Variants in EMILIN1 observed in about 807,000 individuals in gnomAD.
EMILIN1 encodes elastin microfibril interfacer 1, also known as EMILIN-1.
Under a neutral mutation model 82.4 loss-of-function variants are expected in EMILIN1, and 49 were observed. The observed-to-expected ratio is 0.59, with a 90% CI of 0.47 to 0.75. The LOEUF (loss-of-function observed/expected upper bound fraction) is 0.75. Among genes scored for constraint, EMILIN1 ranks in the 30% least tolerant of loss-of-function variants. The probability of loss-of-function intolerance (pLI) is 0.00; values close to 1 mark genes in which losing one functional copy is unlikely to be tolerated. For missense variants in EMILIN1, 1,313 were observed against 1,366.4 expected (o/e 0.96, Z 0.62); for synonymous variants, 604 against 602.2 (o/e 1.00, Z -0.04).
rs1228071392 is a variant in EMILIN1, at chr2:27,083,673, C to G, written c.2102C>G (p.Thr701Arg). The G allele has an allele frequency of 6.2e-7, 1 of 1,613,718 alleles. No homozygotes were observed. Among genetic ancestry groups the G allele is most frequent in the Non-Finnish European group, 8.5e-7 (1 of 1,179,780 alleles). ...CAGCAGGAGGCCACAGAGCATGCTA[C>G]AGAGAGTGAAGAGCGCTTCCGAGGC... is the stretch of plus-strand genomic sequence containing the variant. Reference protein sequence around the residue: ...RLQQEATEHATESEERFRGLE... With the variant: ...RLQQEATEHARESEERFRGLE... The change falls in exon 4 of 8, where the codon ACA becomes AGA. Residue 701 changes from threonine (T) to arginine (R), a missense_variant. Transcript: ENST00000380320.
intron 7 of EMILIN1, 116 bp downstream of exon 7, chr2:27,085,413 A>T: frequency 7.7e-7 from 1 of 1,300,482 alleles, no homozygotes; most frequent in Admixed American, 2.0e-5. Flanking sequence ...ATTTGGGGAG[A>T]CCCCGGCTCT....
Position 27,083,184 on chromosome 2 carries a change from T to C in EMILIN1, c.1613T>C (p.Val538Ala), listed in dbSNP as rs1323184354. ...RQATLEGLQE[V>A]VGRLQDRVDA... ...GCCACGCTGGAGGGATTACAAGAGGTTGTGGGCCGGCTCCAGGATCGTGTG... is the reference window on the plus strand; with the variant it reads ...GCCACGCTGGAGGGATTACAAGAGGCTGTGGGCCGGCTCCAGGATCGTGTG... The change falls in exon 4 of 8, where the codon GTT becomes GCT. Residue 538 changes from valine to alanine, a missense_variant. Transcript: ENST00000380320. The C allele has an allele frequency of 1.2e-6, 2 of 1,610,316 alleles. No homozygotes were observed. The highest frequency in any genetic ancestry group is 1.1e-5 in the South Asian group (1 of 90,806).
Position 27,083,084 on chromosome 2 carries a change from CT to C in EMILIN1, c.1514del (p.Leu505ArgfsTer56). The stretch of plus-strand genomic sequence containing the variant: ...CCTCAGTGCCTTGGAGCGCAGGGTG[CT>C]GGACAGTGAGGGGCAGCTGCGGCTG... ...EILSALERRVLDSEGQLRLVG... is the reference protein window; with the variant it reads ...EILSALERRVXDSEGQLRLVG... On this transcript the variant is annotated frameshift_variant, in exon 4 of 8. Transcript: ENST00000380320. LOFTEE classifies it high-confidence loss of function. 1.9e-6 allele frequency: 3 copies of C among 1,560,236 alleles called. No homozygotes were observed. The highest frequency in any genetic ancestry group is 2.6e-6 in the Non-Finnish European group (3 of 1,152,364).
In EMILIN1 at chr2:27,083,503, A is replaced by G. The variant is rs750735646; in HGVS notation, c.1932A>G (p.Gln644=). The change falls in exon 4 of 8, where the codon CAA becomes CAG. Residue 644 remains glutamine, a synonymous_variant. Coordinates refer to ENST00000380320, the MANE Select transcript of EMILIN1 (RefSeq NM_007046.4). Reference sequence around the variant, plus strand: ...CAGGCTCAGCCCTGCAGGCCCTGCAAGGAGAGCTCTCTGAGGTTATTCTCA... The same window carrying G: ...CAGGCTCAGCCCTGCAGGCCCTGCAGGGAGAGCTCTCTGAGGTTATTCTCA... The part of the protein sequence containing the change: ...GSSGSALQAL[Q]GELSEVILSF... The G allele has an allele frequency of 8.1e-6, 13 of 1,613,858 alleles. No individual in the cohort carries two copies. The highest frequency in any genetic ancestry group is 1.7e-4 in the Middle Eastern group (1 of 6,060).
chr2:27,080,896 G>C lies in EMILIN1; in HGVS notation c.455G>C (p.Arg152Pro). ...CCACGGCCCCTGGCCCGGCCTGCCCGCCCCAACCTCTCTGGCTCCAGTGCA... is the reference window on the plus strand; with the variant it reads ...CCACGGCCCCTGGCCCGGCCTGCCCCCCCCAACCTCTCTGGCTCCAGTGCA... ...STPRPLARPA[R>P]PNLSGSSAGS... Residue 152 changes from arginine to proline, a missense_variant, in exon 3 of 8, where the codon CGC becomes CCC. Arg to Pro is a moderately radical substitution (Grantham distance 103). Transcript: ENST00000380320. 6.2e-7 allele frequency: 1 copy of C among 1,606,864 alleles called. No individual in the cohort carries two copies.
chr2:27,086,094 G>T lies in EMILIN1; in HGVS notation c.*79G>T. On this transcript the variant is annotated 3_prime_UTR_variant, in exon 8 of 8. Transcript: ENST00000380320. ...GGGCTCCTGGGGTCTCGCCTGAGAC[G>T]GGGCACCTAGCCCTGGGCGAGCGCC... The T allele has an allele frequency of 8.9e-7, 1 of 1,129,500 alleles. No homozygotes were observed. Among genetic ancestry groups the T allele is most frequent in the Non-Finnish European group, 1.2e-6 (1 of 848,358 alleles). 70.0% of individuals were successfully genotyped at this position (1,129,500 alleles called of 1,614,324 possible). A position where few individuals can be genotyped will look rare whatever the true frequency, so the allele number is the denominator to read the frequency against.
In EMILIN1 at chr2:27,082,509, G is replaced by T. The variant is rs200036857; in HGVS notation, c.938G>T (p.Arg313Leu). The stretch of plus-strand genomic sequence containing the variant: ...TGCCTGGCCGGGCTAGATGGCTTCC[G>T]CCGGCAGCAGCAGGAGGACAGGGAG... ...SVCLAGLDGF[R>L]RQQQEDRERL... The change falls in exon 4 of 8, where the codon CGC becomes CTC. Residue 313 changes from arginine (R) to leucine (L), a missense_variant. By Grantham distance (102) the Arg-to-Leu change is moderately radical. Transcript: ENST00000380320. The T allele has an allele frequency of 6.5e-7, 1 of 1,545,802 alleles. No homozygotes were observed.
chr2:27,080,179 A>C lies in EMILIN1; in HGVS notation c.199A>C (p.Thr67Pro), dbSNP rs779114290. The change falls in exon 2 of 8, where the codon ACA becomes CCA. Residue 67 changes from threonine to proline, a missense_variant. By Grantham distance (38) the Thr-to-Pro change is conservative. Transcript: ENST00000380320. The part of the protein sequence containing the change: ...RNWCAYVVTR[T>P]VSCVLEDGVE... ...CTGGTGTGCCTACGTGGTGACCCGG[A>C]CAGTGAGCTGTGTCCTTGAGGATGG... 1 of 1,613,970 alleles carries C rather than the reference A, an allele frequency of 6.2e-7. No homozygotes were observed. Among genetic ancestry groups the C allele is most frequent in the Non-Finnish European group, 8.5e-7 (1 of 1,179,956 alleles).
chr2:27,081,003 T>C (rs1669464524), intron 3 of EMILIN1, 51 bp downstream of exon 3: 1 of 1,374,850 alleles, frequency 7.3e-7, no homozygotes, highest in Non-Finnish European at 1.0e-6. Flanking sequence ...GGTGATCCAA[T>C]GCAATGGGAA....
chr2:27,085,758 G>C lies in EMILIN1; in HGVS notation c.2794G>C (p.Val932Leu). 4 of 1,612,564 alleles carry C rather than the reference G, an allele frequency of 2.5e-6. No individual in the cohort carries two copies. The highest frequency in any genetic ancestry group is 3.4e-6 in the Non-Finnish European group (4 of 1,179,696). ...TGHRHEKVEA[V>L]LSRSNQGVAR... ...GCACCGGCACGAGAAAGTGGAGGCC[G>C]TGCTGTCCCGCTCCAACCAGGGCGT... The change falls in exon 8 of 8, where the codon GTG becomes CTG. Residue 932 changes from valine to leucine, a missense_variant. By Grantham distance (32) the Val-to-Leu change is conservative (BLOSUM62 1). Transcript: ENST00000380320.
chr2:27,085,481 G>A (rs183155064), intron 7 of EMILIN1, among the ~76,000 whole-genome samples, 184 bp downstream of exon 7: 12 of 152,214 alleles, frequency 7.9e-5, no homozygotes, highest in African/African-American at 2.9e-4. Flanking sequence ...CATTCATTCA[G>A]CAGATCTTTA....
rs767676704 is a variant in EMILIN1, at chr2:27,085,177, G to A, written c.2593G>A (p.Ala865Thr). The change falls in exon 7 of 8, where the codon GCA becomes ACA. Residue 865 changes from alanine (A) to threonine (T), a missense_variant. Ala to Thr is a moderately conservative substitution (Grantham distance 58). Transcript: ENST00000380320. ...QGEQGVEGAP[A>T]APVPQVAFSA... ...CCACTCAGGAGTGGAGGGGGCACCA[G>A]CAGCCCCTGTGCCCCAAGTGGCATT... 2.5e-6 allele frequency: 4 copies of A among 1,614,190 alleles called. No individual in the cohort carries two copies. The South Asian group carries it at 3.3e-5, about 13-fold the overall frequency.
rs1669491840 is a variant in EMILIN1, at chr2:27,082,340, G to C, written c.769G>C (p.Glu257Gln). 2 of 1,612,604 alleles carry C rather than the reference G, an allele frequency of 1.2e-6. No homozygotes were observed. Among genetic ancestry groups the C allele is most frequent in the Non-Finnish European group, 1.7e-6 (2 of 1,179,940 alleles). ...LDTRVSTHDQELGHLNNHHGG... is the reference protein window; with the variant it reads ...LDTRVSTHDQQLGHLNNHHGG... ...CACCCGCGTCTCCACCCACGACCAGGAGCTGGGTCACCTCAACAACCATCA... is the reference window on the plus strand; with the variant it reads ...CACCCGCGTCTCCACCCACGACCAGCAGCTGGGTCACCTCAACAACCATCA... Residue 257 changes from glutamate (E) to glutamine (Q), a missense_variant, in exon 4 of 8, where the codon GAG becomes CAG. Transcript: ENST00000380320.
chr2:27,083,104 G>T lies in EMILIN1; in HGVS notation c.1533G>T (p.Leu511=), dbSNP rs541909854. Residue 511 remains leucine (L), a synonymous_variant, in exon 4 of 8, where the codon CTG becomes CTT. Transcript: ENST00000380320. ...ERRVLDSEGQ[L]RLVGSGLHTV... The stretch of plus-strand genomic sequence containing the variant: ...GGGTGCTGGACAGTGAGGGGCAGCT[G>T]CGGCTGGTGGGCTCCGGCCTGCACA... 1 of 1,562,934 alleles carries T rather than the reference G, an allele frequency of 6.4e-7. No individual in the cohort carries two copies. Among genetic ancestry groups the T allele is most frequent in the Admixed American group, 1.8e-5 (1 of 54,634 alleles).
chr2:27,083,789 G>A lies in EMILIN1; in HGVS notation c.2218G>A (p.Val740Met), dbSNP rs940393504. The A allele has an allele frequency of 1.9e-6, 3 of 1,604,434 alleles. No homozygotes were observed. In the Admixed American group the frequency reaches 5.0e-5, roughly 27 times the overall value. The change falls in exon 4 of 8, where the codon GTG becomes ATG. Residue 740 changes from valine to methionine, a missense_variant. By Grantham distance (21) the Val-to-Met change is conservative. Coordinates refer to ENST00000380320, the MANE Select transcript of EMILIN1 (RefSeq NM_007046.4). The stretch of plus-strand genomic sequence containing the variant: ...GGGTGTCTGTGAACGGTTGGACACT[G>A]TGGCTGGGGGACTGCAGGGCCTGCG... Reference protein sequence around the residue: ...LEGVCERLDTVAGGLQGLREG... With the variant: ...LEGVCERLDTMAGGLQGLREG...
rs1160968903 is a variant in EMILIN1 at position 27,086,084 on chromosome 2, C to T, written c.*69C>T. 1.1e-5 allele frequency: 13 copies of T among 1,203,182 alleles called. No homozygotes were observed. In the East Asian group the frequency reaches 3.7e-4, roughly 34 times the overall value. 74.5% of individuals were successfully genotyped at this position (1,203,182 alleles called of 1,614,324 possible). On this transcript the variant is annotated 3_prime_UTR_variant, in exon 8 of 8. Transcript: ENST00000380320. Reference sequence around the variant, plus strand: ...CGGGGGCGGCGGGCTCCTGGGGTCTCGCCTGAGACGGGGCACCTAGCCCTG... The same window carrying T: ...CGGGGGCGGCGGGCTCCTGGGGTCTTGCCTGAGACGGGGCACCTAGCCCTG...
chr2:27,081,395 C>G (rs917769530), intron 3 of EMILIN1, among the ~76,000 whole-genome samples: 3 of 152,102 alleles, frequency 2.0e-5, no homozygotes, highest in African/African-American at 7.2e-5. Flanking sequence ...CTCTGGAGAC[C>G]GCAGGTCCCA....
In EMILIN1 at chr2:27,083,822, C is replaced by G. The variant is rs1247928212; in HGVS notation, c.2251C>G (p.Leu751Val). ...AGGLQGLREG[L>V]SRHVAGLWAG... The stretch of plus-strand genomic sequence containing the variant: ...GGGACTGCAGGGCCTGCGCGAGGGC[C>G]TTTCCAGACACGTGGCTGGGCTCTG... Residue 751 changes from leucine to valine, a missense_variant, in exon 4 of 8, where the codon CTT becomes GTT. Leu to Val is a conservative substitution (Grantham distance 32, BLOSUM62 1). Transcript: ENST00000380320. 2 of 1,598,562 alleles carry G rather than the reference C, an allele frequency of 1.3e-6. No individual in the cohort carries two copies. Among genetic ancestry groups the G allele is most frequent in the African/African-American group, 2.7e-5 (2 of 74,686 alleles).
chr2:27,083,966 C>T lies in EMILIN1; in HGVS notation c.2395C>T (p.Leu799Phe), dbSNP rs1669543594. Residue 799 changes from leucine (L) to phenylalanine (F), a missense_variant, in exon 4 of 8, where the codon CTC becomes TTC. Leu to Phe is a conservative substitution (Grantham distance 22, BLOSUM62 0). Transcript: ENST00000380320. ...GGGTGCCCTTAACAGCTCCCTGCAGCTCCTGGAGGACCGTCTGCACCAGCT... is the reference window on the plus strand; with the variant it reads ...GGGTGCCCTTAACAGCTCCCTGCAGTTCCTGGAGGACCGTCTGCACCAGCT... Reference protein sequence around the residue: ...RLGALNSSLQLLEDRLHQLSL... With the variant: ...RLGALNSSLQFLEDRLHQLSL... 1.3e-6 allele frequency: 2 copies of T among 1,557,022 alleles called. No individual in the cohort carries two copies. The highest frequency in any genetic ancestry group is 1.7e-6 in the Non-Finnish European group (2 of 1,148,104).
Sources: allele counts gnomAD v4.1 joint callset (sites outside exome capture counted in the v4.1 genomes callset), GRCh38; gene constraint gnomAD v4.1.1; transcripts MANE v1.5; gene names NCBI Gene and HGNC (gene_info 2026-07-23, HGNC 2026-07-21).